The following ZC3H7A variants were observed in gnomAD, a reference collection of about 807,000 sequenced individuals.
ZC3H7A encodes zinc finger CCCH-type containing 7A, also known as zinc finger CCCH domain-containing protein 7A.
Under a neutral mutation model 125.5 loss-of-function variants are expected in ZC3H7A, and 44 were observed. That is an observed-to-expected ratio of 0.35 (90% CI 0.28 to 0.45). The LOEUF is 0.45. Ranked by LOEUF, ZC3H7A falls within the 20% of genes least tolerant of loss-of-function variation. The pLI is 1.00. For missense variants in ZC3H7A, 977 were observed against 1,170.7 expected, an observed-to-expected ratio of 0.83 and a Z score of 2.41; for synonymous variants, 399 against 391.2, an observed-to-expected ratio of 1.02 and a Z score of -0.23.
intron 21 of ZC3H7A, among the ~76,000 whole-genome samples, chr16:11,755,941 A>G (rs28735231): frequency 0.046 from 6,951 of 152,106 alleles, 556 homozygotes; most frequent in African/African-American, 0.16. Context: ...GAGGCAGGCA[A>G]ATCACGAGGT....
chr16:11,762,329 G>T (rs2052766322), intron 17 of ZC3H7A, among the ~76,000 whole-genome samples: 1 of 152,076 alleles, frequency 6.6e-6, no homozygotes, highest in African/African-American at 2.4e-5. Flanking sequence ...TGAGGGGAGA[G>T]CAATGGAAAA....
rs2052967007 is a variant in ZC3H7A, at chr16:11,770,866, GAGA to G, written c.1022_1024del (p.Phe341del). 1.9e-6 allele frequency: 3 copies of G among 1,614,202 alleles called. No homozygotes were observed. The highest frequency in any genetic ancestry group is 1.7e-5 in the Admixed American group (1 of 60,024). On this transcript the variant is annotated inframe_deletion, in exon 10 of 23. Transcript: ENST00000355758. Reference sequence around the variant, plus strand: ...TGAAGTCAAAGGTGGATAAAATTCTGAGAAGGAGGGTGGAGGAGCATACCTCGC... The same window carrying G: ...TGAAGTCAAAGGTGGATAAAATTCTGAGGAGGGTGGAGGAGCATACCTCGC...
chr16:11,787,356 T>C (rs565536438), intron 1 of ZC3H7A, among the ~76,000 whole-genome samples: 1 of 152,320 alleles, frequency 6.6e-6, no homozygotes, highest in East Asian at 1.9e-4. Context: ...AGTTCCTTCA[T>C]GCCCCTTCCC....
intron 9 of ZC3H7A, among the ~76,000 whole-genome samples, chr16:11,771,474 A>C (rs935473174): frequency 4.6e-5 from 7 of 152,126 alleles, no homozygotes; most frequent in African/African-American, 1.7e-4. Context: ...TTTCAAGAAT[A>C]ATTTTTAAAA....
chr16:11,764,238 C>T (rs936379663), intron 15 of ZC3H7A, among the ~76,000 whole-genome samples: 1 of 152,098 alleles, frequency 6.6e-6, no homozygotes, highest in Non-Finnish European at 1.5e-5. Flanking sequence ...CATGTTGAAA[C>T]CCTGTTGCTA....
chr16:11,763,961 G>A (rs933560318), intron 15 of ZC3H7A, among the ~76,000 whole-genome samples: 8 of 151,132 alleles, frequency 5.3e-5, no homozygotes, highest in Non-Finnish European at 8.9e-5. Context: ...CCACCACCAC[G>A]CCCAGCTAAT....
At position 11,765,688 on chromosome 16, in the gene ZC3H7A, A is replaced by G. The variant is rs1299587145; in HGVS notation, c.1523-3T>C. On this transcript the variant is annotated splice_polypyrimidine_tract_variant and splice_region_variant and intron_variant, in intron 13 of 22. Transcript: ENST00000355758. The surrounding 1 kb of genome is among the most constrained non-coding windows in gnomAD (Gnocchi z 4.8). ...ACATTCCTCCTCAGCAGCAACATCTAGAAAGACAGGGAATGGACAGACATT... is the reference window on the plus strand; with the variant it reads ...ACATTCCTCCTCAGCAGCAACATCTGGAAAGACAGGGAATGGACAGACATT... The G allele has an allele frequency of 6.2e-7, 1 of 1,609,594 alleles. No homozygotes were observed. The highest frequency in any genetic ancestry group is 8.5e-7 in the Non-Finnish European group (1 of 1,177,394).
At chr16:11,795,813 T>C (rs957117254) in intron 1 of ZC3H7A, among the ~76,000 whole-genome samples, 9 of 152,280 alleles carry the variant, frequency 5.9e-5, no homozygotes, top group African/African-American at 2.2e-4. Flanking sequence ...TTAACTTTTG[T>C]TTTTTTATTT....
intron 3 of ZC3H7A, among the ~76,000 whole-genome samples, chr16:11,780,951 C>T (rs2053164596): frequency 6.6e-6 from 1 of 152,188 alleles, no homozygotes; most frequent in Non-Finnish European, 1.5e-5. Flanking sequence ...TCCACACACT[C>T]TTTCTCAATA....
chr16:11,769,857 T>G (rs902371387), intron 10 of ZC3H7A, among the ~76,000 whole-genome samples: 7 of 138,128 alleles, frequency 5.1e-5, no homozygotes, highest in African/African-American at 2.0e-4. Flanking sequence ...GGGTGTGATC[T>G]TGGCTCACTG....
chr16:11,776,964 C>T, intron 4 of ZC3H7A, 55 bp from the exon 5 acceptor site: 1 of 1,421,336 alleles, frequency 7.0e-7, no homozygotes, highest in South Asian at 1.6e-5. Context: ...ATTTCTTGCA[C>T]TGAGGCCTTC....
At chr16:11,763,228 C>T (rs1406168953) in intron 16 of ZC3H7A, 1 of 306,312 alleles carries the variant, frequency 3.3e-6, no homozygotes, top group Non-Finnish European at 6.0e-6. Flanking sequence ...ATGCCTCAGC[C>T]TCCCAAGTAG....
chr16:11,763,298 G>C, intron 16 of ZC3H7A, 180 bp downstream of exon 16: 1 of 464,400 alleles, frequency 2.2e-6, no homozygotes, highest in Non-Finnish European at 3.7e-6. Flanking sequence ...TGTAGAGATG[G>C]GGATTTTGCC....
At chr16:11,778,375 T>G (rs2053117765) in intron 4 of ZC3H7A, among the ~76,000 whole-genome samples, 1 of 143,698 alleles carries the variant, frequency 7.0e-6, no homozygotes, top group African/African-American at 2.6e-5. Flanking sequence ...AGGCGGAGGT[T>G]GCAGTGAGCC....
chr16:11,761,638 C>T, intron 18 of ZC3H7A, 127 bp from the exon 19 acceptor site: 1 of 956,982 alleles, frequency 1.0e-6, no homozygotes, highest in Non-Finnish European at 1.6e-6. Context: ...AAAAGAAATA[C>T]CTTATGATTC....
intron 1 of ZC3H7A, among the ~76,000 whole-genome samples, chr16:11,792,396 TAC>T (rs1567398140): frequency 6.6e-6 from 1 of 152,224 alleles, no homozygotes; most frequent in East Asian, 1.9e-4. Flanking sequence ...CCTTACTATT[TAC>T]TCAGTGCCTG....
intron 1 of ZC3H7A, among the ~76,000 whole-genome samples, chr16:11,790,581 C>G (rs1411139757): frequency 3.3e-5 from 5 of 152,092 alleles, no homozygotes; most frequent in Non-Finnish European, 7.4e-5. Flanking sequence ...CTCTTATTGC[C>G]CAGGCTGGAG....
At chr16:11,795,200 T>C (rs558159592) in intron 1 of ZC3H7A, among the ~76,000 whole-genome samples, 3 of 152,296 alleles carry the variant, frequency 2.0e-5, no homozygotes, top group African/African-American at 2.4e-5. Context: ...ACAAGACCCA[T>C]TGTGCAATTC....
At chr16:11,792,897 C>G (rs1179190877) in intron 1 of ZC3H7A, among the ~76,000 whole-genome samples, 7 of 152,120 alleles carry the variant, frequency 4.6e-5, no homozygotes, top group Non-Finnish European at 5.9e-5. Flanking sequence ...CAGGTGGGCA[C>G]TTTAAAGCCA....
Sources: gnomAD v4.1 joint callset for allele counts (sites outside exome capture counted in the v4.1 genomes callset) on GRCh38, gnomAD v4.1.1 for gene constraint, Gnocchi (gnomAD v3.1) non-coding constraint, MANE v1.5 for transcripts, NCBI Gene and HGNC (gene_info 2026-07-23, HGNC 2026-07-21) for gene names.